UGP2: variants seen among roughly 807,000 people sequenced by gnomAD.
The protein encoded by UGP2 is UDP-glucose pyrophosphorylase 2.
A neutral mutation model predicts 49.0 loss-of-function variants in UGP2; 40 were observed. That is an observed-to-expected ratio of 0.82 (90% CI 0.63 to 1.06). UGP2 has a LOEUF of 1.06. Among genes scored for constraint, UGP2 ranks in the 50% least tolerant of loss-of-function variants. UGP2 has a pLI of 0.00. For synonymous variants in UGP2, 225 were observed against 213.0 expected, an observed-to-expected ratio of 1.06 and a Z score of -0.49; for missense variants, 460 against 603.5, an observed-to-expected ratio of 0.76 and a Z score of 2.49.
At chr2:63,864,390 T>C (rs1035879439) in intron 3 of UGP2, among the ~76,000 whole-genome samples, 8 of 152,204 alleles carry the variant, frequency 5.3e-5, no homozygotes, top group African/African-American at 1.9e-4. Context: ...GTGCACAGAA[T>C]GTGGCATATT....
chr2:63,885,351 C>T (rs1262155509), intron 5 of UGP2, among the ~76,000 whole-genome samples: 1 of 152,064 alleles, frequency 6.6e-6, no homozygotes, highest in African/African-American at 2.4e-5. Context: ...GATGGGTCCT[C>T]CCATCTGTAT....
intron 1 of UGP2, among the ~76,000 whole-genome samples, chr2:63,852,628 G>A (rs1669117917): frequency 6.6e-6 from 1 of 152,176 alleles, no homozygotes; most frequent in South Asian, 2.1e-4. Flanking sequence ...CATCCTCCTT[G>A]GCACTATTAG....
In UGP2 at chr2:63,842,094, G is replaced by A; in HGVS notation, c.-92G>A. 6.8e-7 allele frequency: 1 copy of A among 1,460,192 alleles called. No individual in the cohort carries two copies. The highest frequency in any genetic ancestry group is 9.2e-7 in the Non-Finnish European group (1 of 1,091,966). The allele number at this position is 1,460,192 out of a possible 1,614,324, so 90.5% of individuals were successfully genotyped here. On this transcript the variant is annotated 5_prime_UTR_variant, in exon 1 of 10. Coordinates refer to ENST00000337130, the MANE Select transcript of UGP2 (RefSeq NM_006759.4). ...TAGGAGGAGAAAGAATACATCGGTT[G>A]TTAAAGCAGGAGAGGAAGAGAGACC...
chr2:63,857,895 T>G lies in UGP2; in HGVS notation c.214T>G (p.Ser72Ala). The change falls in exon 3 of 10, where the codon TCT becomes GCT. Residue 72 changes from serine to alanine, a missense_variant. Ser to Ala is a moderately conservative substitution (Grantham distance 99, BLOSUM62 1). This residue lies in a region of UGP2 where 143 missense variants were observed against 130.4 expected (regional missense o/e 1.10). Coordinates refer to ENST00000337130, the MANE Select transcript of UGP2 (RefSeq NM_006759.4). ...FHRFLQEKGP[S>A]VDWGKIQRPP... ...TAGATTTTTGCAAGAAAAGGGGCCTTCTGTGGATTGGGGAAAAATCCAGAG... is the reference window on the plus strand; with the variant it reads ...TAGATTTTTGCAAGAAAAGGGGCCTGCTGTGGATTGGGGAAAAATCCAGAG... The G allele has an allele frequency of 6.2e-7, 1 of 1,614,120 alleles. No individual in the cohort carries two copies. The highest frequency in any genetic ancestry group is 8.5e-7 in the Non-Finnish European group (1 of 1,179,984).
chr2:63,842,423 C>T, intron 1 of UGP2: 3 of 1,568,062 alleles, frequency 1.9e-6, no homozygotes, highest in South Asian at 1.1e-5. Context: ...TTTAGTTTTG[C>T]CTCCCTGAAA....
chr2:63,872,345 G>A (rs999637985), intron 3 of UGP2, among the ~76,000 whole-genome samples: 1 of 152,226 alleles, frequency 6.6e-6, no homozygotes, highest in African/African-American at 2.4e-5. Flanking sequence ...TGCTTTCAGA[G>A]ATGTTAAAAT....
intron 3 of UGP2, among the ~76,000 whole-genome samples, chr2:63,866,929 T>C (rs1670222312): frequency 6.6e-6 from 1 of 152,134 alleles, no homozygotes; most frequent in South Asian, 2.1e-4. Flanking sequence ...GAAATACAGA[T>C]TTCTCGTGGT....
At chr2:63,842,672 G>C (rs920458944) in intron 1 of UGP2, 17 of 1,350,160 alleles carry the variant, frequency 1.3e-5, no homozygotes, top group Non-Finnish European at 1.6e-5. Context: ...TACGTGGTTT[G>C]CGTCTCAGAT....
In UGP2 at chr2:63,842,042, A is replaced by G; in HGVS notation, c.-144A>G. 1.1e-6 allele frequency: 1 copy of G among 952,116 alleles called. No individual in the cohort carries two copies. Among genetic ancestry groups the G allele is most frequent in the Non-Finnish European group, 1.5e-6 (1 of 678,202 alleles). The allele number at this position is 952,116 out of a possible 1,614,324, so 59.0% of individuals were successfully genotyped here. A position where few individuals can be genotyped will look rare whatever the true frequency, so the allele number is the denominator to read the frequency against. On this transcript the variant is annotated 5_prime_UTR_variant, in exon 1 of 10. Coordinates refer to ENST00000337130, the MANE Select transcript of UGP2 (RefSeq NM_006759.4). ...CTTGAGCCAGTTTTAATCGCTTTGA[A>G]TAAATACTCCCTTAAGTAGTTAAAT...
intron 3 of UGP2, among the ~76,000 whole-genome samples, chr2:63,860,884 C>T (rs1214113436): frequency 7.1e-6 from 1 of 141,766 alleles, no homozygotes; most frequent in Non-Finnish European, 1.5e-5. Flanking sequence ...AATAGTTTTT[C>T]ATAAATACTA....
At chr2:63,877,359 G>A (rs1670976644) in intron 3 of UGP2, among the ~76,000 whole-genome samples, 1 of 152,204 alleles carries the variant, frequency 6.6e-6, no homozygotes, top group Non-Finnish European at 1.5e-5. Context: ...TGTCCTCTCA[G>A]TATCCTGAGC....
At chr2:63,871,386 A>C (rs1670538975) in intron 3 of UGP2, among the ~76,000 whole-genome samples, 1 of 152,078 alleles carries the variant, frequency 6.6e-6, no homozygotes, top group South Asian at 2.1e-4. Context: ...CCCAGGTTCA[A>C]GCAATTTTCC....
rs1669554766 is a variant in UGP2 at position 63,857,888 on chromosome 2, G to A, written c.207G>A (p.Lys69=). The change falls in exon 3 of 10, where the codon AAG becomes AAA. Residue 69 remains lysine (K), a synonymous_variant. Transcript: ENST00000337130. ...RKLFHRFLQE[K]GPSVDWGKIQ... Reference sequence around the variant, plus strand: ...TATTTCATAGATTTTTGCAAGAAAAGGGGCCTTCTGTGGATTGGGGAAAAA... The same window carrying A: ...TATTTCATAGATTTTTGCAAGAAAAAGGGCCTTCTGTGGATTGGGGAAAAA... 5 of 1,614,096 alleles carry A rather than the reference G, an allele frequency of 3.1e-6. No homozygotes were observed. The highest frequency in any genetic ancestry group is 4.2e-6 in the Non-Finnish European group (5 of 1,179,988).
chr2:63,890,225 C>T (rs1311565540), intron 9 of UGP2, 40 bp downstream of exon 9: 3 of 1,415,048 alleles, frequency 2.1e-6, no homozygotes, highest in African/African-American at 1.4e-5. Context: ...TTACAGCTTA[C>T]AATATAGGTC....
At chr2:63,872,536 C>T (rs888309773) in intron 3 of UGP2, among the ~76,000 whole-genome samples, 2 of 152,080 alleles carry the variant, frequency 1.3e-5, no homozygotes, top group African/African-American at 4.8e-5. Context: ...AATAATTTGC[C>T]ATAGTAAGTG....
chr2:63,869,123 G>T (rs1053799363), intron 3 of UGP2, among the ~76,000 whole-genome samples: 1 of 152,100 alleles, frequency 6.6e-6, no homozygotes, highest in Non-Finnish European at 1.5e-5. Context: ...ATCTAGTAAA[G>T]AAGTGGACAA....
chr2:63,885,430 TGA>T (rs1190213180), intron 5 of UGP2, among the ~76,000 whole-genome samples, 157 bp from the exon 6 acceptor site: 1 of 152,200 alleles, frequency 6.6e-6, no homozygotes, highest in Non-Finnish European at 1.5e-5. Context: ...ACACAGATAC[TGA>T]GAGATTTTCT....
intron 1 of UGP2, among the ~76,000 whole-genome samples, chr2:63,854,272 G>A (rs1478557264): frequency 6.6e-6 from 1 of 152,196 alleles, no homozygotes; most frequent in African/African-American, 2.4e-5. Context: ...GTAATGAAAT[G>A]TTTGACTCCC....
chr2:63,889,949 T>C lies in UGP2; in HGVS notation c.1315-132T>C, dbSNP rs1387326828. On this transcript the variant is annotated intron_variant, in intron 8 of 9. Coordinates refer to ENST00000337130, the MANE Select transcript of UGP2 (RefSeq NM_006759.4). ...ATATAATGAGTGCTTAATAAGTAGGTGCTTCCCACAGAGGACCTGAGCTTT... is the reference window on the plus strand; with the variant it reads ...ATATAATGAGTGCTTAATAAGTAGGCGCTTCCCACAGAGGACCTGAGCTTT... 1.2e-5 allele frequency: 8 copies of C among 658,844 alleles called. No individual in the cohort carries two copies. The East Asian group carries it at 2.2e-4, about 18-fold the overall frequency. 40.8% of individuals were successfully genotyped at this position (658,844 alleles called of 1,614,324 possible). A position where few individuals can be genotyped will look rare whatever the true frequency, so the allele number is the denominator to read the frequency against.
Sources: allele counts gnomAD v4.1 joint callset (sites outside exome capture counted in the v4.1 genomes callset), GRCh38; gene constraint gnomAD v4.1.1; regional missense constraint gnomAD v4.1.1; transcripts MANE v1.5; gene names NCBI Gene and HGNC (gene_info 2026-07-23, HGNC 2026-07-21).